The following ERLEC1 variants were observed in gnomAD, a reference collection of about 807,000 sequenced individuals.
ERLEC1 encodes the protein endoplasmic reticulum lectin 1.
A neutral mutation model predicts 68.0 loss-of-function variants in ERLEC1; 47 were observed. That is an observed-to-expected ratio of 0.69 (90% confidence interval 0.55 to 0.88). The LOEUF is 0.88. Among genes scored for constraint, ERLEC1 ranks in the 40% least tolerant of loss-of-function variants. The probability of loss-of-function intolerance (pLI) is 0.00; values close to 1 mark genes in which losing one functional copy is unlikely to be tolerated. For synonymous variants in ERLEC1, 225 were observed against 203.2 expected (o/e 1.11, Z -0.91); for missense variants, 567 against 583.8 (o/e 0.97, Z 0.30).
At chr2:53,799,581 T>A (rs1675899879) in intron 6 of ERLEC1, among the ~76,000 whole-genome samples, 1 of 152,158 alleles carries the variant, frequency 6.6e-6, no homozygotes, top group Non-Finnish European at 1.5e-5. Flanking sequence ...GATAAATGAT[T>A]TCTGTAACAT....
chr2:53,797,838 G>A (rs766697992), intron 5 of ERLEC1, 43 bp downstream of exon 5: 1 of 1,498,472 alleles, frequency 6.7e-7, no homozygotes, highest in Non-Finnish European at 9.2e-7. Flanking sequence ...CTGGAATTTG[G>A]TTTAAAATAT....
rs1057012364 is a variant in ERLEC1, at chr2:53,797,869, G to A, written c.490+74G>A. 2.7e-5 allele frequency: 36 copies of A among 1,340,364 alleles called. No individual in the cohort carries two copies. The Admixed American group carries it at 3.7e-4, about 14-fold the overall frequency. 83.0% of individuals were successfully genotyped at this position (1,340,364 alleles called of 1,614,324 possible). On this transcript the variant is annotated intron_variant, in intron 5 of 13. Coordinates refer to ENST00000185150, the MANE Select transcript of ERLEC1 (RefSeq NM_015701.5). ...AATATATGTTCAAAATGGAATTTAC[G>A]AGATTTTTTTTTTGGACATTGTGTG...
chr2:53,814,541 A>G lies in ERLEC1; in HGVS notation c.1227-2A>G. ...TAAAACTTGTGTGTTTCTCTGATTCAGGATGGTGTCACATTTTTATGGAAA... is the reference window on the plus strand; with the variant it reads ...TAAAACTTGTGTGTTTCTCTGATTCGGGATGGTGTCACATTTTTATGGAAA... On this transcript the variant is annotated splice_acceptor_variant, in intron 11 of 13. Coordinates refer to ENST00000185150, the MANE Select transcript of ERLEC1 (RefSeq NM_015701.5). LOFTEE classifies it high-confidence loss of function. The G allele has an allele frequency of 6.2e-7, 1 of 1,607,514 alleles. No homozygotes were observed. Among genetic ancestry groups the G allele is most frequent in the Non-Finnish European group, 8.5e-7 (1 of 1,175,438 alleles).
intron 8 of ERLEC1, among the ~76,000 whole-genome samples, chr2:53,806,954 C>T (rs1676327841): frequency 6.6e-6 from 1 of 152,126 alleles, no homozygotes; most frequent in Admixed American, 6.5e-5. Flanking sequence ...CCTGTCACTC[C>T]CTTACTTTAG....
chr2:53,808,513 G>T, intron 9 of ERLEC1, 53 bp downstream of exon 9: 1 of 1,568,128 alleles, frequency 6.4e-7, no homozygotes, highest in Non-Finnish European at 8.7e-7. Context: ...TACCTGCCAG[G>T]TATGGTCAGT....
rs1364257919 is a variant in ERLEC1, at chr2:53,805,891, A to C, written c.880-2408A>C. Among the ~76,000 whole-genome samples the C allele has an allele frequency of 2.0e-5, 3 of 152,212 alleles. No individual in the cohort carries two copies. In the East Asian group the frequency reaches 5.8e-4, roughly 29 times the overall value. ...TGTAGTTTTGATTTGCTTTTCTCTG[A>C]TGATCAATGATGTTGATACTTAGTA... On this transcript the variant is annotated intron_variant, in intron 8 of 13. Coordinates refer to ENST00000185150, the MANE Select transcript of ERLEC1 (RefSeq NM_015701.5).
chr2:53,812,020 T>C (rs1470458815), intron 10 of ERLEC1, among the ~76,000 whole-genome samples: 1 of 152,108 alleles, frequency 6.6e-6, no homozygotes, highest in African/African-American at 2.4e-5. Flanking sequence ...CAGGTTCAAG[T>C]GATTCTCCTG....
chr2:53,790,489 G>T (rs1675332961), intron 1 of ERLEC1, among the ~76,000 whole-genome samples: 1 of 152,160 alleles, frequency 6.6e-6, no homozygotes, highest in South Asian at 2.1e-4. Context: ...GGAAGAGACT[G>T]GATTAGAAGA....
At chr2:53,794,044 G>T (rs1675554934) in intron 1 of ERLEC1, among the ~76,000 whole-genome samples, 1 of 152,126 alleles carries the variant, frequency 6.6e-6, no homozygotes, top group Non-Finnish European at 1.5e-5. Flanking sequence ...ACAGGAGAGA[G>T]GGAGGGGTGA....
intron 8 of ERLEC1, among the ~76,000 whole-genome samples, chr2:53,803,186 G>T (rs768585066): frequency 3.9e-5 from 6 of 152,126 alleles, no homozygotes; most frequent in South Asian, 2.1e-4. Flanking sequence ...TGGCTGCAAG[G>T]CTTGTTTCTT....
At position 53,795,982 on chromosome 2, in the gene ERLEC1, C is replaced by T. The variant is rs1371310252; in HGVS notation, c.317C>T (p.Pro106Leu). Residue 106 changes from proline to leucine, a missense_variant, in exon 3 of 14, where the codon CCA (proline) becomes CTA (leucine). By Grantham distance (98) the Pro-to-Leu change is moderately conservative (BLOSUM62 -3). Coordinates refer to ENST00000185150, the MANE Select transcript of ERLEC1 (RefSeq NM_015701.5). ...KGPNPRELLE[P>L]LFKQSSCSYR... ...CCTAATCCAAGAGAGCTTTTGGAGCCACTATTTAAACAAAGCAGTTGTTCC... is the reference window on the plus strand; with the variant it reads ...CCTAATCCAAGAGAGCTTTTGGAGCTACTATTTAAACAAAGCAGTTGTTCC... 1.2e-6 allele frequency: 2 copies of T among 1,603,380 alleles called. No homozygotes were observed. Among genetic ancestry groups the T allele is most frequent in the Non-Finnish European group, 1.7e-6 (2 of 1,176,314 alleles).
chr2:53,804,449 T>A (rs1373868673), intron 8 of ERLEC1, among the ~76,000 whole-genome samples: 1 of 152,032 alleles, frequency 6.6e-6, no homozygotes, highest in Non-Finnish European at 1.5e-5. Context: ...AATTCTTATA[T>A]TTTTTTAGTA....
intron 8 of ERLEC1, among the ~76,000 whole-genome samples, chr2:53,803,123 G>T (rs1558599374): frequency 6.6e-6 from 1 of 152,158 alleles, no homozygotes; most frequent in South Asian, 2.1e-4. Context: ...GGCTAAGACT[G>T]ATTGTTTTAC....
intron 8 of ERLEC1, among the ~76,000 whole-genome samples, chr2:53,807,466 C>T (rs1333698578): frequency 6.6e-6 from 1 of 151,862 alleles, no homozygotes; most frequent in Non-Finnish European, 1.5e-5. Context: ...AGTGTAGTGG[C>T]GTGATCTCAG....
intron 13 of ERLEC1, among the ~76,000 whole-genome samples, chr2:53,817,198 A>T (rs762282631): frequency 1.3e-5 from 2 of 151,388 alleles, no homozygotes; most frequent in Non-Finnish European, 2.9e-5. Flanking sequence ...CAGTAGCGCA[A>T]TCTTGGCTCA....
intron 11 of ERLEC1, 90 bp downstream of exon 11, chr2:53,813,163 G>T: frequency 6.8e-7 from 1 of 1,464,256 alleles, no homozygotes; most frequent in Non-Finnish European, 9.3e-7. Flanking sequence ...AAACATTTAA[G>T]TAAAATCCCT....
Position 53,801,835 on chromosome 2 carries a change from A to G in ERLEC1, c.872A>G (p.Asn291Ser). 3 of 1,613,392 alleles carry G rather than the reference A, an allele frequency of 1.9e-6. No individual in the cohort carries two copies. The highest frequency in any genetic ancestry group is 2.5e-6 in the Non-Finnish European group (3 of 1,179,612). The stretch of plus-strand genomic sequence containing the variant: ...ATACTAAGGGTGCCTTTTAGGAGAA[A>G]TAAAGAGGTATGAGAATTGTCTAAT... Reference protein sequence around the residue: ...EEILRVPFRRNKEEDLQSTKE... With the variant: ...EEILRVPFRRSKEEDLQSTKE... Residue 291 changes from asparagine to serine, a missense_variant, in exon 8 of 14, where the codon AAT becomes AGT. By Grantham distance (46) the Asn-to-Ser change is conservative. Transcript: ENST00000185150.
At chr2:53,792,206 C>T (rs1330760686) in intron 1 of ERLEC1, among the ~76,000 whole-genome samples, 2 of 149,656 alleles carry the variant, frequency 1.3e-5, no homozygotes, top group African/African-American at 2.5e-5. Flanking sequence ...CGTGAGCCAC[C>T]GCGCCAGGCC....
intron 10 of ERLEC1, among the ~76,000 whole-genome samples, 188 bp from the exon 11 acceptor site, chr2:53,812,761 G>A (rs1004308976): frequency 6.6e-6 from 1 of 152,100 alleles, no homozygotes; most frequent in African/African-American, 2.4e-5. Flanking sequence ...GTTATTCAGA[G>A]AAACAAGGAA....
Sources: gnomAD v4.1 joint callset for allele counts (sites outside exome capture counted in the v4.1 genomes callset) on GRCh38, gnomAD v4.1.1 for gene constraint, MANE v1.5 for transcripts, NCBI Gene and HGNC (gene_info 2026-07-23, HGNC 2026-07-21) for gene names.